The following ERG variants were observed in gnomAD, a reference collection of about 807,000 sequenced individuals.
ERG encodes transcriptional regulator ERG.
In ERG, 9 loss-of-function variants were observed where a neutral mutation model predicts 55.3. The ratio of observed to expected loss-of-function variants is 0.16; its 90% CI spans 0.10 to 0.28. The LOEUF is 0.28. Among genes scored for constraint, ERG ranks in the 10% least tolerant of loss-of-function variants. The pLI is 1.00. For synonymous variants in ERG, 223 were observed against 237.3 expected (o/e 0.94, Z 0.55); for missense variants, 434 against 631.6 (o/e 0.69, Z 3.35).
chr21:38,465,641 G>A (rs578097955), intron 1 of ERG, among the ~76,000 whole-genome samples: 178 of 152,296 alleles, frequency 1.2e-3, no homozygotes, highest in Non-Finnish European at 2.1e-3. Context: ...GCAAGGCTAC[G>A]CAAGTGTAGG....
intron 3 of ERG, among the ~76,000 whole-genome samples, chr21:38,404,924 A>G (rs1988691213): frequency 6.6e-6 from 1 of 152,192 alleles, no homozygotes. Flanking sequence ...TTGCAGAGGT[A>G]AACCGTAATA....
In ERG at chr21:38,396,390, CCTAA is replaced by C. The variant is rs1157708111; in HGVS notation, c.746-3950_746-3947del. ...GCTAAGATACAGGCTTTACATAACA[CCTAA>C]CTGAGAGATGCTATGCAGTAGTTGT... is the stretch of plus-strand genomic sequence containing the variant. On this transcript the variant is annotated intron_variant, in intron 6 of 9. Transcript: ENST00000288319. Among the ~76,000 whole-genome samples the C allele has an allele frequency of 5.3e-4, 80 of 152,194 alleles. 1 individual carries two copies. The highest frequency in any genetic ancestry group is 5.2e-3 in the Admixed American group (80 of 15,282).
intron 9 of ERG, among the ~76,000 whole-genome samples, chr21:38,384,245 T>G (rs1345542790): frequency 6.6e-6 from 1 of 152,200 alleles, no homozygotes; most frequent in African/African-American, 2.4e-5. Context: ...TATTCAGGCT[T>G]CAGGGCTCCC....
chr21:38,483,311 T>C (rs2059254502), intron 1 of ERG, among the ~76,000 whole-genome samples: 1 of 152,188 alleles, frequency 6.6e-6, no homozygotes, highest in African/African-American at 2.4e-5. Flanking sequence ...AAAAAGAATG[T>C]GTAACCATGT....
intron 3 of ERG, among the ~76,000 whole-genome samples, chr21:38,409,424 G>A (rs1052667387): frequency 4.8e-5 from 7 of 145,112 alleles, no homozygotes; most frequent in Admixed American, 7.1e-5. Context: ...CAGAGGTTGC[G>A]ATAAGCCGAG....
chr21:38,475,636 G>A (rs1684936053), intron 1 of ERG, among the ~76,000 whole-genome samples: 1 of 152,180 alleles, frequency 6.6e-6, no homozygotes, highest in African/African-American at 2.4e-5. Context: ...GACAGGCCTT[G>A]CCTGATCATG....
chr21:38,375,583 G>A (rs563422166), downstream of ERG, among the ~76,000 whole-genome samples: 95 of 152,178 alleles, frequency 6.2e-4, no homozygotes, highest in African/African-American at 2.2e-3. Flanking sequence ...CACAGAGCCC[G>A]ACACACCGTG....
intron 6 of ERG, among the ~76,000 whole-genome samples, chr21:38,397,429 C>T (rs1205735263): frequency 1.3e-5 from 2 of 151,748 alleles, no homozygotes; most frequent in East Asian, 1.9e-4. Flanking sequence ...GAAACCCTAT[C>T]TCTACTAAAA....
intron 1 of ERG, among the ~76,000 whole-genome samples, chr21:38,610,074 C>T (rs2060217147): frequency 6.6e-6 from 1 of 152,158 alleles, no homozygotes; most frequent in African/African-American, 2.4e-5. Flanking sequence ...TGAGAGGCCA[C>T]AAGGGAAGGA....
intron 2 of ERG, among the ~76,000 whole-genome samples, chr21:38,573,473 T>C (rs531802456): frequency 2.5e-4 from 38 of 152,310 alleles, no homozygotes; most frequent in South Asian, 4.1e-4. Context: ...TGGTGGAAGG[T>C]GAGACATGTT....
chr21:38,447,136 C>CCTGT, intron 1 of ERG, among the ~76,000 whole-genome samples: 1 of 149,574 alleles, frequency 6.7e-6, no homozygotes, highest in South Asian at 2.1e-4. Flanking sequence ...CGATCCTCCA[C>CCTGT]CTGTCCCAGG....
At chr21:38,659,829 C>CTCTATGCA (rs1378900101) in intron 1 of ERG, among the ~76,000 whole-genome samples, 1 of 152,214 alleles carries the variant, frequency 6.6e-6, no homozygotes, top group Admixed American at 6.5e-5. Context: ...TAATTAATGC[C>CTCTATGCA]TCTATGCATC....
intron 2 of ERG, among the ~76,000 whole-genome samples, chr21:38,511,585 A>C (rs1299034630): frequency 6.6e-6 from 1 of 152,232 alleles, no homozygotes; most frequent in African/African-American, 2.4e-5. Context: ...GAAAGAAAAA[A>C]CAATTCTGCC....
chr21:38,551,539 T>C (rs1382526322), intron 2 of ERG, among the ~76,000 whole-genome samples: 1 of 152,214 alleles, frequency 6.6e-6, no homozygotes, highest in Non-Finnish European at 1.5e-5. Context: ...GAGATTCTGG[T>C]ATGGTGTATC....
At chr21:38,406,239 CA>C (rs1422483715) in intron 3 of ERG, among the ~76,000 whole-genome samples, 1 of 147,750 alleles carries the variant, frequency 6.8e-6, no homozygotes, top group Non-Finnish European at 1.5e-5. Flanking sequence ...AGAATATCAA[CA>C]AAAACTCCAA....
chr21:38,598,856 C>T (rs959640462), intron 1 of ERG, among the ~76,000 whole-genome samples: 1 of 152,196 alleles, frequency 6.6e-6, no homozygotes, highest in Admixed American at 6.5e-5. Flanking sequence ...GCACAATTAG[C>T]TCTTGTGCAC....
intron 1 of ERG, among the ~76,000 whole-genome samples, chr21:38,468,492 A>G (rs1331996853): frequency 6.6e-6 from 1 of 152,190 alleles, no homozygotes; most frequent in Non-Finnish European, 1.5e-5. Flanking sequence ...CTTGACAAGA[A>G]TCATGGGATG....
chr21:38,626,893 T>G (rs1356807236), intron 1 of ERG, among the ~76,000 whole-genome samples: 1 of 152,048 alleles, frequency 6.6e-6, no homozygotes, highest in African/African-American at 2.4e-5. Flanking sequence ...GCCAAAAAAT[T>G]TTGTATTCAT....
At chr21:38,391,117 C>G in intron 8 of ERG, 75 bp from the exon 9 acceptor site, 2 of 1,250,448 alleles carry the variant, frequency 1.6e-6, no homozygotes, top group Non-Finnish European at 1.2e-6. Context: ...GACATAATGC[C>G]TGACTTAATT....
Sources: allele counts gnomAD v4.1 joint callset (sites outside exome capture counted in the v4.1 genomes callset), GRCh38; gene constraint gnomAD v4.1.1; transcripts MANE v1.5; gene names NCBI Gene and HGNC (gene_info 2026-07-23, HGNC 2026-07-21).